Variants in DYRK1A observed in about 807,000 individuals in gnomAD.
The protein encoded by DYRK1A is dual specificity tyrosine-phosphorylation-regulated kinase 1A.
A neutral mutation model predicts 79.7 loss-of-function variants in DYRK1A; 9 were observed. The observed-to-expected ratio is 0.11, with a 90% CI of 0.07 to 0.20. The LOEUF (loss-of-function observed/expected upper bound fraction) is 0.20. Ranked by LOEUF, DYRK1A falls within the 10% of genes least tolerant of loss-of-function variation. The pLI is 1.00. For synonymous variants in DYRK1A, 349 were observed against 329.7 expected (o/e 1.06, Z -0.63); for missense variants, 622 against 956.0 (o/e 0.65, Z 4.61).
rs573028251 is a variant in DYRK1A at position 37,410,426 on chromosome 21, T to A, written c.-76-9873T>A. On this transcript the variant is annotated intron_variant, in intron 1 of 11. Coordinates refer to ENST00000647188, the MANE Select transcript of DYRK1A (RefSeq NM_001347721.2). ...GAAATAGTTTATCATGACAATTCTT[T>A]GAAATGGATGAGTTTTCATTATATT... 2.0e-5 allele frequency: 3 copies of A among 152,362 alleles called. No individual in the cohort carries two copies. The East Asian group carries it at 5.8e-4, about 29-fold the overall frequency. The allele number at this position is 152,362 out of a possible 1,614,324, so 9.4% of individuals were successfully genotyped here.
At chr21:37,461,246 G>A (rs2051827531) in intron 2 of DYRK1A, among the ~76,000 whole-genome samples, 1 of 148,148 alleles carries the variant, frequency 6.8e-6, no homozygotes, top group Non-Finnish European at 1.5e-5. Flanking sequence ...TTTTATTTAA[G>A]TTATACATTT....
rs1569413951 is a variant in DYRK1A, at chr21:37,519,858, C to T, written c.*7327C>T. 1 of 151,340 alleles carries T rather than the reference C, an allele frequency of 6.6e-6. No individual in the cohort carries two copies. Among genetic ancestry groups the T allele is most frequent in the Non-Finnish European group, 1.5e-5 (1 of 68,048 alleles). The allele number at this position is 151,340 out of a possible 1,614,324, so 9.4% of individuals were successfully genotyped here. A position where few individuals can be genotyped will look rare whatever the true frequency, so the allele number is the denominator to read the frequency against. ...CTGGGTTCACGCCATTCGCCTGCCTCAGCCTCCAGAGTAGCTGGGACTACT... is the reference window on the plus strand; with the variant it reads ...CTGGGTTCACGCCATTCGCCTGCCTTAGCCTCCAGAGTAGCTGGGACTACT... On this transcript the variant is annotated 3_prime_UTR_variant, in exon 12 of 12. Transcript: ENST00000647188.
chr21:37,391,360 T>C (rs886080495), intron 1 of DYRK1A, among the ~76,000 whole-genome samples: 1 of 152,244 alleles, frequency 6.6e-6, no homozygotes, highest in African/African-American at 2.4e-5. Flanking sequence ...TTTAGTCTCC[T>C]AAGCCTGCCA....
At chr21:37,493,954 T>TTC (rs55827366) in intron 8 of DYRK1A, among the ~76,000 whole-genome samples, 74 of 146,316 alleles carry the variant, frequency 5.1e-4, no homozygotes, top group East Asian at 1.6e-3. Context: ...TTTTTTTTTT[T>TTC]CCCGGAGATG....
In DYRK1A at chr21:37,486,449, A is replaced by ATTCATCTTCTCT; in HGVS notation, c.490-15_490-4dup. The ATTCATCTTCTCT allele has an allele frequency of 7.0e-7, 1 of 1,420,704 alleles. No individual in the cohort carries two copies. Among genetic ancestry groups the ATTCATCTTCTCT allele is most frequent in the Non-Finnish European group, 9.3e-7 (1 of 1,079,144 alleles). 88.0% of individuals were successfully genotyped at this position (1,420,704 alleles called of 1,614,324 possible). A position where few individuals can be genotyped will look rare whatever the true frequency, so the allele number is the denominator to read the frequency against. The stretch of plus-strand genomic sequence containing the variant: ...TTTGCAATTAATGAAATAGAGAATT[A>ATTCATCTTCTCT]TTCATCTTCTCTTTTAGGTTGTAAA... On this transcript the variant is annotated splice_polypyrimidine_tract_variant and intron_variant, in intron 5 of 11. Coordinates refer to ENST00000647188, the MANE Select transcript of DYRK1A (RefSeq NM_001347721.2).
Position 37,512,378 on chromosome 21 carries a change from C to T in DYRK1A, c.2112C>T (p.Gly704=). ...TVYSNPRQET[G]IAGHPTYQFS... The stretch of plus-strand genomic sequence containing the variant: ...ACTCCAATCCCCGCCAAGAGACTGG[C>T]ATAGCTGGACATCCAACATACCAAT... The change falls in exon 12 of 12, where the codon GGC becomes GGT. Residue 704 remains glycine (G), a synonymous_variant. Transcript: ENST00000647188. 6.2e-7 allele frequency: 1 copy of T among 1,614,226 alleles called. No homozygotes were observed. The highest frequency in any genetic ancestry group is 1.1e-5 in the South Asian group (1 of 91,090).
At chr21:37,401,482 CT>C (rs60091331) in intron 1 of DYRK1A, among the ~76,000 whole-genome samples, 5,767 of 137,354 alleles carry the variant, frequency 0.042, 339 homozygotes, top group African/African-American at 0.14. Context: ...TTTCTAGTTC[CT>C]TTTTTTTTTT....
At chr21:37,443,145 CT>C (rs975228126) in intron 2 of DYRK1A, among the ~76,000 whole-genome samples, 3 of 151,416 alleles carry the variant, frequency 2.0e-5, no homozygotes, top group African/African-American at 7.3e-5. Context: ...TAGGAGATGT[CT>C]TTTTTTTTCC....
chr21:37,407,816 G>A (rs1219838491), intron 1 of DYRK1A, among the ~76,000 whole-genome samples: 1 of 152,194 alleles, frequency 6.6e-6, no homozygotes, highest in African/African-American at 2.4e-5. Flanking sequence ...TTTCCCCTAA[G>A]AGCGGCGAGA....
chr21:37,388,703 G>A (rs984960208), intron 1 of DYRK1A, among the ~76,000 whole-genome samples: 1 of 151,442 alleles, frequency 6.6e-6, no homozygotes, highest in Non-Finnish European at 1.5e-5. Context: ...GGAGTGTAGT[G>A]GGGTGATCTC....
At chr21:37,384,582 A>G (rs571613974) in intron 1 of DYRK1A, among the ~76,000 whole-genome samples, 6 of 152,222 alleles carry the variant, frequency 3.9e-5, no homozygotes, top group South Asian at 4.1e-4. Flanking sequence ...TTAAAGGAAT[A>G]TAACAGATCC....
chr21:37,466,581 A>G (rs1049606443), intron 2 of DYRK1A, among the ~76,000 whole-genome samples: 8 of 152,172 alleles, frequency 5.3e-5, no homozygotes, highest in African/African-American at 9.6e-5. Flanking sequence ...AAGACATACC[A>G]TACAAAAATT....
At chr21:37,416,947 T>A (rs1373950812) in intron 1 of DYRK1A, among the ~76,000 whole-genome samples, 1 of 152,212 alleles carries the variant, frequency 6.6e-6, no homozygotes, top group Non-Finnish European at 1.5e-5. Flanking sequence ...CTAGTACTTT[T>A]GAAGCTCCTT....
intron 2 of DYRK1A, among the ~76,000 whole-genome samples, chr21:37,438,525 A>G (rs937658459): frequency 7.9e-5 from 12 of 152,088 alleles, no homozygotes; most frequent in Admixed American, 2.6e-4. Flanking sequence ...TAGATCAAAG[A>G]TCACTTTTTT....
chr21:37,375,310 A>G (rs936308034), intron 1 of DYRK1A, among the ~76,000 whole-genome samples: 5 of 152,336 alleles, frequency 3.3e-5, no homozygotes, highest in Middle Eastern at 3.4e-3. Flanking sequence ...ATTGTGGGCA[A>G]TGTATATACA....
At chr21:37,491,452 T>G (rs2053091705) in intron 7 of DYRK1A, among the ~76,000 whole-genome samples, 2 of 152,204 alleles carry the variant, frequency 1.3e-5, no homozygotes. Context: ...CTGACTTTTC[T>G]GTTTCTTATT....
chr21:37,510,059 C>T (rs1362738932), intron 11 of DYRK1A, among the ~76,000 whole-genome samples: 1 of 152,186 alleles, frequency 6.6e-6, no homozygotes, highest in Non-Finnish European at 1.5e-5. Context: ...AGGGTTTAGT[C>T]CTCTGCAGTT....
intron 1 of DYRK1A, among the ~76,000 whole-genome samples, chr21:37,417,143 A>G (rs373224944): frequency 6.6e-5 from 10 of 152,264 alleles, no homozygotes; most frequent in African/African-American, 1.9e-4. Context: ...ATGCTGATGC[A>G]TTCATTTCAG....
intron 2 of DYRK1A, among the ~76,000 whole-genome samples, chr21:37,457,045 T>C (rs28484709): frequency 0.25 from 13,523 of 53,874 alleles, 800 homozygotes; most frequent in East Asian, 0.38. Context: ...TACTTATTTA[T>C]TTATTTATTT....
Sources: gnomAD v4.1 joint callset for allele counts (sites outside exome capture counted in the v4.1 genomes callset) on GRCh38, gnomAD v4.1.1 for gene constraint, MANE v1.5 for transcripts, NCBI Gene and HGNC (gene_info 2026-07-23, HGNC 2026-07-21) for gene names.